The following DNAH8 variants were observed in gnomAD, a reference collection of about 807,000 sequenced individuals.
DNAH8 encodes the protein dynein axonemal heavy chain 8.
In DNAH8, 382 loss-of-function variants were observed where a neutral mutation model predicts 562.1. The ratio of observed to expected loss-of-function variants is 0.68; its 90% confidence interval spans 0.63 to 0.74. DNAH8 has a LOEUF of 0.74. Ranked by LOEUF, DNAH8 falls within the 30% of genes least tolerant of loss-of-function variation. The probability of loss-of-function intolerance (pLI) is 0.00; values close to 1 mark genes in which losing one functional copy is unlikely to be tolerated. For missense variants in DNAH8, 5,203 were observed against 5,620.4 expected, an observed-to-expected ratio of 0.93 and a Z score of 2.37; for synonymous variants, 1,881 against 1,919.4, an observed-to-expected ratio of 0.98 and a Z score of 0.52.
intron 82 of DNAH8, among the ~76,000 whole-genome samples, chr6:38,958,895 A>C (rs574101204): frequency 1.6e-3 from 248 of 152,294 alleles, no homozygotes; most frequent in African/African-American, 5.6e-3. Context: ...AATCCTCAAC[A>C]AAATACTAGC....
rs1777571222 is a variant in DNAH8, at chr6:38,872,794, C to T, written c.7237+12C>T. On this transcript the variant is annotated intron_variant, in intron 50 of 92. Coordinates refer to ENST00000327475, the MANE Select transcript of DNAH8 (RefSeq NM_001206927.2). Reference sequence around the variant, plus strand: ...AAAAGCTAAAAAAGGTATACACAAACCTCCTTTGTGATCATTTTTTCCCTG... The same window carrying T: ...AAAAGCTAAAAAAGGTATACACAAATCTCCTTTGTGATCATTTTTTCCCTG... The T allele has an allele frequency of 1.2e-6, 2 of 1,613,040 alleles. No homozygotes were observed. Among genetic ancestry groups the T allele is most frequent in the Non-Finnish European group, 1.7e-6 (2 of 1,179,354 alleles).
At position 38,873,189 on chromosome 6, in the gene DNAH8, C is replaced by A. The variant is rs201153798; in HGVS notation, c.7479+42C>A. The A allele has an allele frequency of 2.2e-5, 35 of 1,612,714 alleles. No individual in the cohort carries two copies. The East Asian group carries it at 7.1e-4, about 33-fold the overall frequency. Reference sequence around the variant, plus strand: ...GGAAGAAGAACCCTCAGAGTCTCTCCACGTTTCACTTTCTCAATAAACACA... The same window carrying A: ...GGAAGAAGAACCCTCAGAGTCTCTCAACGTTTCACTTTCTCAATAAACACA... On this transcript the variant is annotated intron_variant, in intron 51 of 92. Transcript: ENST00000327475.
At chr6:38,836,516 C>CAAA (rs35716203) in intron 32 of DNAH8, among the ~76,000 whole-genome samples, 13 of 129,298 alleles carry the variant, frequency 1.0e-4, no homozygotes, top group African/African-American at 3.2e-4. Context: ...AAAACCATCT[C>CAAA]AAAAAAAAAA....
At chr6:39,016,629 A>T (rs1766591905) in intron 91 of DNAH8, among the ~76,000 whole-genome samples, 1 of 152,194 alleles carries the variant, frequency 6.6e-6, no homozygotes, top group African/African-American at 2.4e-5. Flanking sequence ...TAGTTTCATC[A>T]CAAATATATA....
At chr6:38,818,553 A>AAAAAAAAAAAAAAAAAAAAAAG in intron 26 of DNAH8, among the ~76,000 whole-genome samples, 1 of 150,640 alleles carries the variant, frequency 6.6e-6, no homozygotes, top group Admixed American at 6.6e-5. Context: ...AAAAAAAAAA[A>AAAAAAAAAAAAAAAAAAAAAAG]GAAGATATGG....
At chr6:38,797,167 G>A (rs1025942335) in intron 21 of DNAH8, among the ~76,000 whole-genome samples, 2 of 152,184 alleles carry the variant, frequency 1.3e-5, no homozygotes, top group Non-Finnish European at 2.9e-5. Context: ...GCCAAGGCAG[G>A]TGGATCACTT....
intron 11 of DNAH8, chr6:38,763,079 C>T: frequency 5.6e-6 from 2 of 358,466 alleles, no homozygotes; most frequent in Admixed American, 3.9e-5. Flanking sequence ...TGGAAAGCAG[C>T]CAGTGAACCA....
intron 91 of DNAH8, among the ~76,000 whole-genome samples, chr6:39,016,796 C>T (rs908075720): frequency 6.6e-6 from 1 of 152,158 alleles, no homozygotes; most frequent in South Asian, 2.1e-4. Flanking sequence ...GTGACTGCTC[C>T]ACAGGCCTAA....
chr6:39,008,696 T>C (rs955723832), intron 88 of DNAH8, 118 bp from the exon 89 acceptor site: 13 of 525,028 alleles, frequency 2.5e-5, no homozygotes, highest in Admixed American at 1.2e-4. Context: ...TTTTCTTCTT[T>C]TTTTTTTTTT....
chr6:38,872,862 T>G lies in DNAH8; in HGVS notation c.7238-44T>G, dbSNP rs749995808. On this transcript the variant is annotated intron_variant, in intron 50 of 92. Coordinates refer to ENST00000327475, the MANE Select transcript of DNAH8 (RefSeq NM_001206927.2). ...TATTTTTTTGATTTTTCCATTTTAA[T>G]TACTTGCAAGTGAAAAGTGATTTTC... The G allele has an allele frequency of 6.8e-6, 11 of 1,607,030 alleles. No homozygotes were observed. In the South Asian group the frequency reaches 1.2e-4, roughly 18 times the overall value.
At chr6:38,721,331 T>TAAAC (rs34225597) in intron 1 of DNAH8, among the ~76,000 whole-genome samples, 72,216 of 150,304 alleles carry the variant, frequency 0.48, 18,028 homozygotes, top group East Asian at 0.86. Context: ...ATAAAAATAA[T>TAAAC]AAACAAACAA....
At chr6:38,715,954 A>ATTTTTTTTTTTT (rs1410399802) in intron 1 of DNAH8, among the ~76,000 whole-genome samples, 7 of 37,538 alleles carry the variant, frequency 1.9e-4, no homozygotes, top group African/African-American at 5.1e-4. Flanking sequence ...ATATATATAT[A>ATTTTTTTTTTTT]TATATATTTT....
chr6:39,028,150 C>T (rs1767418182), intron 92 of DNAH8, among the ~76,000 whole-genome samples: 1 of 152,228 alleles, frequency 6.6e-6, no homozygotes, highest in Non-Finnish European at 1.5e-5. Flanking sequence ...TTTCAAAATT[C>T]CTCCAGCCTC....
At position 38,984,249 on chromosome 6, in the gene DNAH8, A is replaced by C; in HGVS notation, c.12995A>C (p.Gln4332Pro). Residue 4332 changes from glutamine (Q) to proline (P), a missense_variant, in exon 87 of 93, where the codon CAA becomes CCA. Physicochemically the swap from Gln to Pro is moderately conservative, Grantham distance 76. Transcript: ENST00000327475. Reference sequence around the variant, plus strand: ...GTTCGGTACATGATCGGAGAAGTACAATATGGAGGCAGAGTGACAGATGAC... The same window carrying C: ...GTTCGGTACATGATCGGAGAAGTACCATATGGAGGCAGAGTGACAGATGAC... ...NTVRYMIGEV[Q>P]YGGRVTDDFD... 6.2e-7 allele frequency: 1 copy of C among 1,610,808 alleles called. No homozygotes were observed. Among genetic ancestry groups the C allele is most frequent in the Non-Finnish European group, 8.5e-7 (1 of 1,176,948 alleles).
rs760951077 is a variant in DNAH8 at position 38,850,254 on chromosome 6, G to A, written c.5203G>A (p.Ala1735Thr). 6.2e-7 allele frequency: 1 copy of A among 1,612,462 alleles called. No individual in the cohort carries two copies. Among genetic ancestry groups the A allele is most frequent in the Non-Finnish European group, 8.5e-7 (1 of 1,179,158 alleles). ...GDIAKQLPQEAKRFQNIDKSW... is the reference protein window; with the variant it reads ...GDIAKQLPQETKRFQNIDKSW... ...CTGGCTATGGATGCATTTTCAGGAA[G>A]CAAAACGTTTTCAGAATATTGACAA... The change falls in exon 38 of 93, where the codon GCA (alanine) becomes ACA (threonine). Residue 1735 changes from alanine (A) to threonine (T), a missense_variant. Transcript: ENST00000327475.
In DNAH8 at chr6:38,888,788, T is replaced by G. The variant is rs76061632; in HGVS notation, c.8473+1784T>G. 0.01 allele frequency among the ~76,000 whole-genome samples: 1,566 copies of G among 152,324 alleles called. 89 individuals are homozygous for G. In the East Asian group the frequency reaches 0.15, roughly 14 times the overall value. ...TGAGACTCTCATTGCCTGCTGGCCGTAGTGTCAGTTGCTACAAACCCTTTG... is the reference window on the plus strand; with the variant it reads ...TGAGACTCTCATTGCCTGCTGGCCGGAGTGTCAGTTGCTACAAACCCTTTG... On this transcript the variant is annotated intron_variant, in intron 57 of 92. Coordinates refer to ENST00000327475, the MANE Select transcript of DNAH8 (RefSeq NM_001206927.2).
intron 24 of DNAH8, among the ~76,000 whole-genome samples, chr6:38,813,434 G>A (rs1401259699): frequency 1.3e-5 from 2 of 151,934 alleles, no homozygotes; most frequent in African/African-American, 2.4e-5. Flanking sequence ...TAGAAATGGA[G>A]GTGTAAGTTT....
At chr6:38,722,707 A>G in intron 1 of DNAH8, 69 bp from the exon 2 acceptor site, 1 of 1,268,984 alleles carries the variant, frequency 7.9e-7, no homozygotes, top group South Asian at 1.6e-5. Flanking sequence ...TCTAGCTAAA[A>G]GGGGAGTAAT....
intron 85 of DNAH8, among the ~76,000 whole-genome samples, chr6:38,980,796 G>A (rs996692022): frequency 3.3e-5 from 5 of 151,948 alleles, no homozygotes; most frequent in African/African-American, 4.8e-5. Context: ...ATCTCCCAGG[G>A]TCAGAACATC....
Sources: gnomAD v4.1 joint callset for allele counts (sites outside exome capture counted in the v4.1 genomes callset) on GRCh38, gnomAD v4.1.1 for gene constraint, MANE v1.5 for transcripts, NCBI Gene and HGNC (gene_info 2026-07-23, HGNC 2026-07-21) for gene names.